Variants in LRRC9 observed in about 807,000 individuals in gnomAD.
LRRC9 encodes leucine-rich repeat-containing protein 9.
A neutral mutation model predicts 63.2 loss-of-function variants in LRRC9; 122 were observed. That is an observed-to-expected ratio of 1.93 (90% confidence interval 1.67 to 2.24). The LOEUF is 2.24. Among genes scored for constraint, LRRC9 ranks in the 30% most tolerant of loss-of-function variants. The probability of loss-of-function intolerance (pLI) is 0.00; values close to 1 mark genes in which losing one functional copy is unlikely to be tolerated. For synonymous variants in LRRC9, 366 were observed against 213.1 expected (o/e 1.72, Z -6.25); for missense variants, 1,071 against 627.7 (o/e 1.71, Z -7.55).
At position 60,003,002 on chromosome 14, in the gene LRRC9, T is replaced by C. The variant is rs1010089583; in HGVS notation, c.2665-619T>C. 1.3e-5 allele frequency among the ~76,000 whole-genome samples: 2 copies of C among 152,340 alleles called. No individual in the cohort carries two copies. The highest frequency in any genetic ancestry group is 4.8e-5 in the African/African-American group (2 of 41,598). On this transcript the variant is annotated intron_variant, in intron 20 of 31. Coordinates refer to ENST00000445360, the Ensembl canonical transcript of LRRC9. The surrounding 1 kb of genome is among the most constrained non-coding windows in gnomAD (Gnocchi z 4.2). Reference sequence around the variant, plus strand: ...TTATAGAACACTTGCAGCTTCTTGCTACATTAGGTGTCCTTATACCTCTTG... The same window carrying C: ...TTATAGAACACTTGCAGCTTCTTGCCACATTAGGTGTCCTTATACCTCTTG...
At chr14:60,007,912 C>A (rs1463938759) in intron 22 of LRRC9, among the ~76,000 whole-genome samples, 180 bp from the exon 23 acceptor site, 4 of 144,256 alleles carry the variant, frequency 2.8e-5, no homozygotes, top group South Asian at 4.4e-4. Flanking sequence ...TGCACTCCAG[C>A]CTGAGCAACA....
intron 9 of LRRC9, among the ~76,000 whole-genome samples, chr14:59,960,466 G>A (rs1302192069): frequency 6.6e-6 from 1 of 152,204 alleles, no homozygotes; most frequent in Non-Finnish European, 1.5e-5. Context: ...GGATAAATTA[G>A]TGTGCCCTGT....
Position 60,028,049 on chromosome 14 carries a change from T to TA in LRRC9, c.3870dup (p.Gln1291ThrfsTer14). On this transcript the variant is annotated frameshift_variant, in exon 28 of 32. Coordinates refer to ENST00000445360, the Ensembl canonical transcript of LRRC9. LOFTEE classifies it high-confidence loss of function. ...AACAGACTACGAGAACTGGGCAAAT[T>TA]ACAATCTTTGGTAAAACTAGAGAAA... 1.4e-6 allele frequency: 1 copy of TA among 701,698 alleles called. No individual in the cohort carries two copies. Among genetic ancestry groups the TA allele is most frequent in the Non-Finnish European group, 2.6e-6 (1 of 384,146 alleles). The allele number at this position is 701,698 out of a possible 1,614,324, so 43.5% of individuals were successfully genotyped here.
chr14:59,982,737 G>A (rs1887064959), intron 16 of LRRC9, among the ~76,000 whole-genome samples: 1 of 152,076 alleles, frequency 6.6e-6, no homozygotes, highest in South Asian at 2.1e-4. Context: ...CATTAATAAG[G>A]TAATTTCATC....
At position 59,960,336 on chromosome 14, in the gene LRRC9, T is replaced by C. The variant is rs371383097; in HGVS notation, c.1079+322T>C. Among the ~76,000 whole-genome samples, 104 of 152,280 alleles carry C rather than the reference T, an allele frequency of 6.8e-4. 2 individuals carry two copies. Among genetic ancestry groups the C allele is most frequent in the African/African-American group, 2.3e-3 (97 of 41,554 alleles). ...CTGGTGGATAAACTCACCAAATAGATGAGACCTGGCAAAGCCCAAACACAG... is the reference window on the plus strand; with the variant it reads ...CTGGTGGATAAACTCACCAAATAGACGAGACCTGGCAAAGCCCAAACACAG... On this transcript the variant is annotated intron_variant, in intron 9 of 31. Transcript: ENST00000445360.
intron 16 of LRRC9, among the ~76,000 whole-genome samples, chr14:59,983,724 G>A (rs1887176674): frequency 6.6e-6 from 1 of 152,144 alleles, no homozygotes; most frequent in Admixed American, 6.5e-5. Flanking sequence ...CAGGAAGCCA[G>A]GGCTGGAAGA....
chr14:59,982,258 A>G (rs1365825601), intron 16 of LRRC9, among the ~76,000 whole-genome samples, 198 bp downstream of exon 16: 1 of 152,230 alleles, frequency 6.6e-6, no homozygotes, highest in Non-Finnish European at 1.5e-5. Flanking sequence ...CACATATGTA[A>G]TTTTTACTTC....
In LRRC9 at chr14:60,028,846, G is replaced by A. The variant is rs540182945; in HGVS notation, c.3921+745G>A. Among the ~76,000 whole-genome samples the A allele has an allele frequency of 5.3e-5, 8 of 152,226 alleles. No homozygotes were observed. The East Asian group carries it at 1.4e-3, about 26-fold the overall frequency. On this transcript the variant is annotated intron_variant, in intron 28 of 31. Transcript: ENST00000445360. ...GTCTATCTTGTCCACATTTCTATCA[G>A]TATATAGCATAGTACCCGGTACATA...
intron 29 of LRRC9, among the ~76,000 whole-genome samples, chr14:60,034,358 T>C (rs1892255132): frequency 6.6e-6 from 1 of 152,106 alleles, no homozygotes; most frequent in Non-Finnish European, 1.5e-5. Flanking sequence ...CTTTCATGAA[T>C]TGTTTTTCAT....
chr14:60,015,866 T>C (rs1890638129), intron 23 of LRRC9, among the ~76,000 whole-genome samples: 1 of 152,120 alleles, frequency 6.6e-6, no homozygotes, highest in South Asian at 2.1e-4. Flanking sequence ...CTGGTGAAAG[T>C]CTAAGCAGCC....
At chr14:59,996,026 CA>C in intron 17 of LRRC9, among the ~76,000 whole-genome samples, 1 of 152,274 alleles carries the variant, frequency 6.6e-6, no homozygotes, top group Non-Finnish European at 1.5e-5. Flanking sequence ...AGGCGTGAGC[CA>C]CCGGGCCCGG....
chr14:59,975,103 ATATATATATGTATATATATATATG>A (rs1480656701), intron 13 of LRRC9, among the ~76,000 whole-genome samples: 4 of 15,924 alleles, frequency 2.5e-4, no homozygotes, highest in Non-Finnish European at 5.5e-4. Flanking sequence ...ATATATATAC[ATATATATATGTATATATATATATG>A]TATATATATA....
chr14:60,047,694 G>C (rs1893551395), intron 29 of LRRC9, among the ~76,000 whole-genome samples: 1 of 152,078 alleles, frequency 6.6e-6, no homozygotes, highest in Non-Finnish European at 1.5e-5. Context: ...CACAATAATA[G>C]TGGAAGATTT....
At position 60,035,511 on chromosome 14, in the gene LRRC9, T is replaced by C. The variant is rs145014523; in HGVS notation, c.3990+3448T>C. On this transcript the variant is annotated intron_variant, in intron 29 of 31. Transcript: ENST00000445360. ...ATTCAAGTCTTCAATCCATTTTTAT[T>C]TTGTATATAGTGAGAGACAGAAGTC... Among the ~76,000 whole-genome samples, 1,263 of 152,338 alleles carry C rather than the reference T, an allele frequency of 8.3e-3. 9 individuals are homozygous for C. The highest frequency in any genetic ancestry group is 0.02 in the Middle Eastern group (6 of 294).
At chr14:60,020,308 T>TA (rs1290717977) in intron 26 of LRRC9, among the ~76,000 whole-genome samples, 4 of 151,946 alleles carry the variant, frequency 2.6e-5, no homozygotes, top group Non-Finnish European at 5.9e-5. Context: ...TATTGCCGAA[T>TA]AGTATTCTAT....
chr14:59,949,683 T>G (rs1882893819), intron 8 of LRRC9, among the ~76,000 whole-genome samples: 1 of 151,548 alleles, frequency 6.6e-6, no homozygotes, highest in East Asian at 2.0e-4. Flanking sequence ...GTCCCAGAGA[T>G]TCTGGTATGT....
exon 24 of LRRC9, chr14:60,016,780 T>C: frequency 1.4e-6 from 1 of 695,656 alleles, no homozygotes. Context: ...TTGGACTTCA[T>C]CATCTATTAG....
chr14:60,008,244 G>T (rs1156558196), intron 23 of LRRC9, 30 bp downstream of exon 23: 1 of 688,410 alleles, frequency 1.5e-6, no homozygotes, highest in Non-Finnish European at 2.6e-6. Context: ...ACAACATTTG[G>T]TCTAAGCTGC....
chr14:60,055,342 G>T (rs1446304469), intron 30 of LRRC9, among the ~76,000 whole-genome samples: 1 of 152,100 alleles, frequency 6.6e-6, no homozygotes, highest in Non-Finnish European at 1.5e-5. Flanking sequence ...TCAAATCTTT[G>T]TCACAGGCCC....
Sources: gnomAD v4.1 joint callset for allele counts (sites outside exome capture counted in the v4.1 genomes callset) on GRCh38, gnomAD v4.1.1 for gene constraint, Gnocchi (gnomAD v3.1) non-coding constraint, MANE v1.5 for transcripts, NCBI Gene and HGNC (gene_info 2026-07-23, HGNC 2026-07-21) for gene names.